The following SLC26A6 variants were observed in gnomAD, a reference collection of about 807,000 sequenced individuals.
SLC26A6 encodes solute carrier family 26 member 6.
A neutral mutation model predicts 87.1 loss-of-function variants in SLC26A6; 67 were observed. The observed-to-expected ratio is 0.77, with a 90% CI of 0.63 to 0.94. SLC26A6 has a LOEUF of 0.94. SLC26A6 is among the 40% of genes least tolerant of loss of function. The pLI is 0.00. For synonymous variants in SLC26A6, 414 were observed against 405.9 expected, an observed-to-expected ratio of 1.02 and a Z score of -0.24; for missense variants, 902 against 973.0, an observed-to-expected ratio of 0.93 and a Z score of 0.97.
intron 17 of SLC26A6, 67 bp downstream of exon 17, chr3:48,627,879 T>G: frequency 1.6e-5 from 23 of 1,465,354 alleles, no homozygotes; most frequent in African/African-American, 2.9e-5. Context: ...GCATTCCTCA[T>G]GAGACATGTG....
rs908832745 is a variant in SLC26A6 at position 48,631,647 on chromosome 3, A to G, written c.903+2T>C. On this transcript the variant is annotated splice_donor_variant, in intron 7 of 20. Transcript: ENST00000395550. LOFTEE classifies it high-confidence loss of function. The stretch of plus-strand genomic sequence containing the variant: ...CTGCCCTCCACTCCCTGGCCCTCGA[A>G]CCGTGAGCAGCTCCCCGGGTATCGG... 2 of 1,612,598 alleles carry G rather than the reference A, an allele frequency of 1.2e-6. No individual in the cohort carries two copies. Among genetic ancestry groups the G allele is most frequent in the African/African-American group, 2.7e-5 (2 of 74,960 alleles).
chr3:48,627,348 G>C (rs1354465542), intron 17 of SLC26A6: 1 of 398,538 alleles, frequency 2.5e-6, no homozygotes, highest in Non-Finnish European at 4.5e-6. Context: ...AGGGCTGAGT[G>C]GGGAGGGGGC....
intron 4 of SLC26A6, 152 bp from the exon 5 acceptor site, chr3:48,632,548 G>A (rs1044794297): frequency 3.6e-6 from 4 of 1,104,000 alleles, no homozygotes; most frequent in African/African-American, 1.5e-5. Flanking sequence ...GGCGGTTCAG[G>A]TTTGGCCAGG....
intron 4 of SLC26A6, chr3:48,632,672 T>G (rs576063577): frequency 1.6e-5 from 11 of 687,262 alleles, no homozygotes; most frequent in South Asian, 1.5e-4. Flanking sequence ...AGGCTCTCTG[T>G]GGAGTAGGGA....
chr3:48,635,456 G>C lies in SLC26A6; in HGVS notation c.-63C>G, dbSNP rs1292835225. 6.5e-7 allele frequency: 1 copy of C among 1,543,714 alleles called. No homozygotes were observed. Among genetic ancestry groups the C allele is most frequent in the Non-Finnish European group, 8.7e-7 (1 of 1,145,222 alleles). ...TCGAGCTAGAGGCCGCTACGCTCCG[G>C]AAGGCGGCGCCGGGACCGGGTGAGG... On this transcript the variant is annotated 5_prime_UTR_variant, in exon 1 of 21. Transcript: ENST00000395550.
At chr3:48,630,895 C>T (rs1392147217) in intron 9 of SLC26A6, 98 bp downstream of exon 9, 3 of 1,568,388 alleles carry the variant, frequency 1.9e-6, no homozygotes, top group African/African-American at 2.7e-5. Context: ...GGCCTCAGCA[C>T]ATCTGCTGTC....
At position 48,625,881 on chromosome 3, in the gene SLC26A6, T is replaced by A; in HGVS notation, c.*105A>T. Reference sequence around the variant, plus strand: ...CTTCCCTGAGTTGTGTGTGTGTACATGGAGGGGACTCCTGGGTAGCACCTG... The same window carrying A: ...CTTCCCTGAGTTGTGTGTGTGTACAAGGAGGGGACTCCTGGGTAGCACCTG... On this transcript the variant is annotated 3_prime_UTR_variant, in exon 21 of 21. Transcript: ENST00000395550. This position sits in a 1 kb window ranked among gnomAD's most constrained non-coding sequence, Gnocchi z 4.7. 1 of 1,442,422 alleles carries A rather than the reference T, an allele frequency of 6.9e-7. No individual in the cohort carries two copies. Among genetic ancestry groups the A allele is most frequent in the Non-Finnish European group, 9.6e-7 (1 of 1,037,590 alleles). 89.4% of individuals were successfully genotyped at this position (1,442,422 alleles called of 1,614,324 possible).
In SLC26A6 at chr3:48,631,966, C is replaced by T. The variant is rs1453258263; in HGVS notation, c.664G>A (p.Ala222Thr). ...TGTGAGACGAAGACCTGCACAGCTG[C>T]AGCTGTGGTATAGCCTCGGACAAGA... ...EPLVRGYTTA[A>T]AVQVFVSQLK... is the part of the protein sequence containing the mutation. The change falls in exon 6 of 21, where the codon GCA becomes ACA. Residue 222 changes from alanine to threonine, a missense_variant. Ala to Thr is a moderately conservative substitution (Grantham distance 58, BLOSUM62 0). Transcript: ENST00000395550. 2 of 1,613,552 alleles carry T rather than the reference C, an allele frequency of 1.2e-6. No individual in the cohort carries two copies. The highest frequency in any genetic ancestry group is 1.7e-6 in the Non-Finnish European group (2 of 1,180,032).
At chr3:48,626,093 G>A (rs2046613051) in intron 20 of SLC26A6, 93 bp from the exon 21 acceptor site, 1 of 1,611,196 alleles carries the variant, frequency 6.2e-7, no homozygotes, top group African/African-American at 1.3e-5. Context: ...AGACAGCGGA[G>A]AAAGCACTGG....
chr3:48,626,324 T>G lies in SLC26A6; in HGVS notation c.2159A>C (p.His720Pro). The G allele has an allele frequency of 3.1e-6, 5 of 1,613,924 alleles. No homozygotes were observed. The South Asian group carries it at 3.3e-5, about 11-fold the overall frequency. ...CTTGGTGATGGATGCATCGAAGAAG[T>G]GCCCAGCCTCAAGCTGGCTGACCAC... The part of the protein sequence containing the change: ...SPVVSQLEAG[H>P]FFDASITKKH... The change falls in exon 20 of 21, where the codon CAC becomes CCC. Residue 720 changes from histidine to proline, a missense_variant. His to Pro is a moderately conservative substitution (Grantham distance 77). Transcript: ENST00000395550.
chr3:48,632,083 C>T, intron 5 of SLC26A6, 39 bp from the exon 6 acceptor site: 1 of 1,609,226 alleles, frequency 6.2e-7, no homozygotes, highest in Non-Finnish European at 8.5e-7. Context: ...AGGCAGGGGT[C>T]CTGGGGTTGC....
Position 48,630,436 on chromosome 3 carries a change from A to G in SLC26A6, c.1326+2T>C. The G allele has an allele frequency of 6.4e-7, 1 of 1,555,062 alleles. No homozygotes were observed. Among genetic ancestry groups the G allele is most frequent in the Non-Finnish European group, 8.7e-7 (1 of 1,148,966 alleles). On this transcript the variant is annotated splice_donor_variant, in intron 11 of 20. Coordinates refer to ENST00000395550, the MANE Select transcript of SLC26A6 (RefSeq NM_022911.3). LOFTEE classifies it high-confidence loss of function. ...CTGAAACCTGGCTGGGTGGGGGCTC[A>G]CCTTGGGCAGGTCATGGAAGAGTTC...
At chr3:48,634,640 T>G in intron 1 of SLC26A6, 1 of 795,606 alleles carries the variant, frequency 1.3e-6, no homozygotes, top group Non-Finnish European at 1.5e-6. Context: ...AACTCTAGCC[T>G]GTTGGGGAAG....
intron 1 of SLC26A6, 88 bp downstream of exon 1, chr3:48,635,283 G>A: frequency 8.2e-7 from 1 of 1,224,564 alleles, no homozygotes; most frequent in Middle Eastern, 2.5e-4. Context: ...AGCGGAGAAT[G>A]CCTGCTCCAG....
intron 10 of SLC26A6, 27 bp downstream of exon 10, chr3:48,630,580 A>C (rs759836752): frequency 3.2e-6 from 5 of 1,562,516 alleles, no homozygotes; most frequent in Non-Finnish European, 4.3e-6. Flanking sequence ...GTGCATGCCC[A>C]CACCCATGCC....
Position 48,630,664 on chromosome 3 carries a change from G to T in SLC26A6, c.1191C>A (p.Pro397=), listed in dbSNP as rs369278809. Reference sequence around the variant, plus strand: ...GGCTCCGAGACATAGAGCAACTCACGGGGAAGCACTGGAAGATGCCTCCGA... The same window carrying T: ...GGCTCCGAGACATAGAGCAACTCACTGGGAAGCACTGGAAGATGCCTCCGA... The part of the protein sequence containing the change: ...NLIGGIFQCF[P]VSCSMSRSLV... The change falls in exon 10 of 21, where the codon CCC becomes CCA. Residue 397 remains proline (P), a synonymous_variant. Coordinates refer to ENST00000395550, the MANE Select transcript of SLC26A6 (RefSeq NM_022911.3). The T allele has an allele frequency of 8.7e-4, 1,388 of 1,601,646 alleles. 2 individuals carry two copies. The highest frequency in any genetic ancestry group is 1.1e-3 in the Non-Finnish European group (1,304 of 1,173,340).
At chr3:48,627,097 T>TG (rs753906378) in intron 17 of SLC26A6, 42 bp from the exon 18 acceptor site, 122 of 1,595,130 alleles carry the variant, frequency 7.6e-5, no homozygotes, top group Non-Finnish European at 9.9e-5. Context: ...CATGAGAGAG[T>TG]GAAGGCAGGA....
Position 48,633,350 on chromosome 3 carries a change from G to C in SLC26A6, c.223C>G (p.Leu75Val). 1 of 1,613,600 alleles carries C rather than the reference G, an allele frequency of 6.2e-7. No homozygotes were observed. Among genetic ancestry groups the C allele is most frequent in the South Asian group, 1.1e-5 (1 of 91,090 alleles). Residue 75 changes from leucine to valine, a missense_variant, in exon 3 of 21, where the codon CTC becomes GTC. This residue lies in a region of SLC26A6 where 800 missense variants were observed against 856.8 expected (regional missense o/e 0.93). Transcript: ENST00000395550. ...ARAYALLLQH[L>V]PVLVWLPRYP... ...CGGGGTAACCAGACCAAAACCGGGA[G>C]GTGTTGGAGCAGAAGGGCATAGGCC...
At chr3:48,631,437 T>A in intron 7 of SLC26A6, 131 bp from the exon 8 acceptor site, 1 of 1,162,214 alleles carries the variant, frequency 8.6e-7, no homozygotes, top group South Asian at 1.6e-5. Context: ...TCACGTAGGG[T>A]GAGAGACAGG....
Sources: allele counts gnomAD v4.1 joint callset, GRCh38; gene constraint gnomAD v4.1.1; regional missense constraint gnomAD v4.1.1; non-coding constraint Gnocchi (gnomAD v3.1); transcripts MANE v1.5; gene names NCBI Gene and HGNC (gene_info 2026-07-23, HGNC 2026-07-21).